Variants in GFOD1 observed in about 807,000 individuals in gnomAD.
GFOD1 encodes the protein Gfo/Idh/MocA-like oxidoreductase domain containing 1.
Under a neutral mutation model 25.4 loss-of-function variants are expected in GFOD1, and 9 were observed. That is an observed-to-expected ratio of 0.35 (90% confidence interval 0.21 to 0.62). The LOEUF is 0.62. Ranked by LOEUF, GFOD1 falls within the 20% of genes least tolerant of loss-of-function variation. The pLI is 0.72. For missense variants in GFOD1, 403 were observed against 556.9 expected (o/e 0.72, Z 2.78); for synonymous variants, 253 against 245.6 (o/e 1.03, Z -0.28).
intron 1 of GFOD1, among the ~76,000 whole-genome samples, chr6:13,437,960 A>C (rs1290715782): frequency 6.6e-6 from 1 of 152,250 alleles, no homozygotes. Context: ...AGAAAAATAA[A>C]ATAAAATATG....
chr6:13,383,442 A>T (rs1785404365), intron 1 of GFOD1, among the ~76,000 whole-genome samples: 1 of 152,232 alleles, frequency 6.6e-6, no homozygotes, highest in South Asian at 2.1e-4. Context: ...GAGTTACACA[A>T]GATTCCTTTC....
At chr6:13,404,458 T>C (rs1785908922) in intron 1 of GFOD1, among the ~76,000 whole-genome samples, 1 of 152,234 alleles carries the variant, frequency 6.6e-6, no homozygotes, top group Non-Finnish European at 1.5e-5. Flanking sequence ...AACTGTAGTA[T>C]GTGAAACACG....
intron 1 of GFOD1, among the ~76,000 whole-genome samples, chr6:13,470,981 T>C (rs1302728965): frequency 6.6e-6 from 1 of 152,126 alleles, no homozygotes; most frequent in African/African-American, 2.4e-5. Context: ...CAATAATAAT[T>C]AGCAAAACAG....
At chr6:13,471,577 G>A (rs967653402) in intron 1 of GFOD1, among the ~76,000 whole-genome samples, 4 of 152,164 alleles carry the variant, frequency 2.6e-5, no homozygotes, top group Non-Finnish European at 5.9e-5. Flanking sequence ...TAATAATAGA[G>A]TCCTTACTAA....
At chr6:13,383,939 A>G (rs1396755916) in intron 1 of GFOD1, among the ~76,000 whole-genome samples, 1 of 152,184 alleles carries the variant, frequency 6.6e-6, no homozygotes, top group Non-Finnish European at 1.5e-5. Flanking sequence ...CAAAATAAAC[A>G]TATTGGTACT....
chr6:13,486,961 A>T lies in GFOD1; in HGVS notation c.-71T>A. ...CCAACGCGCGCACACACCCACCTCT[A>T]GCCAGTCCTGCACCCCGCTCCTGTA... On this transcript the variant is annotated 5_prime_UTR_variant, in exon 1 of 2. Transcript: ENST00000379287. The T allele has an allele frequency of 6.5e-7, 1 of 1,541,046 alleles. No homozygotes were observed. The highest frequency in any genetic ancestry group is 8.7e-7 in the Non-Finnish European group (1 of 1,144,084).
At chr6:13,470,210 G>T (rs147968851) in intron 1 of GFOD1, 2 of 1,594,724 alleles carry the variant, frequency 1.3e-6, no homozygotes, top group African/African-American at 1.3e-5. Flanking sequence ...CTGTAATCTT[G>T]ACTGGGTCTG....
chr6:13,460,157 G>A (rs1758267005), intron 1 of GFOD1, among the ~76,000 whole-genome samples: 1 of 152,046 alleles, frequency 6.6e-6, no homozygotes. Context: ...AAAAAGTCAA[G>A]AAATAACAGA....
At chr6:13,486,311 C>T (rs1324607827) in intron 1 of GFOD1, 1 of 336,336 alleles carries the variant, frequency 3.0e-6, no homozygotes, top group African/African-American at 2.3e-5. Context: ...CTTTCCTCTT[C>T]TCGCGGAGCA....
At chr6:13,447,797 T>TTAGGGAA (rs1407518054) in intron 1 of GFOD1, among the ~76,000 whole-genome samples, 1 of 122,270 alleles carries the variant, frequency 8.2e-6, no homozygotes, top group African/African-American at 3.0e-5. Flanking sequence ...AGCAAAGTCA[T>TTAGGGAA]TAGGGAAAAG....
chr6:13,390,330 C>CCTGTAAT (rs1218627891), intron 1 of GFOD1, among the ~76,000 whole-genome samples: 1 of 152,110 alleles, frequency 6.6e-6, no homozygotes, highest in African/African-American at 2.4e-5. Context: ...GTGGCTCAGG[C>CCTGTAAT]CTGTAATCCC....
chr6:13,417,730 G>A (rs541249208), intron 1 of GFOD1, among the ~76,000 whole-genome samples: 11 of 152,314 alleles, frequency 7.2e-5, no homozygotes, highest in South Asian at 4.1e-4. Context: ...ATGGCTTCTC[G>A]TAAGTGCAGC....
intron 1 of GFOD1, among the ~76,000 whole-genome samples, chr6:13,427,082 T>C (rs1422850669): frequency 3.9e-5 from 6 of 152,188 alleles, no homozygotes; most frequent in African/African-American, 1.4e-4. Context: ...TTGTGTGTGA[T>C]TGGACCTCAC....
chr6:13,421,631 C>T (rs780499088), intron 1 of GFOD1, among the ~76,000 whole-genome samples: 1 of 152,174 alleles, frequency 6.6e-6, no homozygotes, highest in Admixed American at 6.5e-5. Context: ...TGCCGCCCAC[C>T]AGATACTCTC....
intron 1 of GFOD1, among the ~76,000 whole-genome samples, chr6:13,458,757 CAAAAAAAAAAAAAAAAA>C (rs5874418): frequency 1.7e-5 from 1 of 57,184 alleles, no homozygotes; most frequent in African/African-American, 4.1e-5. Context: ...TCCCCTTGAG[CAAAAAAAAAAAAAAAAA>C]AAAAAAAAAA....
chr6:13,376,340 C>CA (rs139439466), intron 1 of GFOD1, among the ~76,000 whole-genome samples: 3,946 of 152,050 alleles, frequency 0.026, 139 homozygotes, highest in African/African-American at 0.083. Context: ...TATATTGGTC[C>CA]AAAATAGCCA....
intron 1 of GFOD1, among the ~76,000 whole-genome samples, chr6:13,431,577 T>TAC (rs1757750875): frequency 6.6e-6 from 1 of 152,214 alleles, no homozygotes. Context: ...CCCTTTTAGC[T>TAC]ACAGAGCTTG....
rs1758181732 is a variant in GFOD1, at chr6:13,455,987, C to G, written c.253+30651G>C. Among the ~76,000 whole-genome samples the G allele has an allele frequency of 2.0e-5, 3 of 152,128 alleles. No individual in the cohort carries two copies. In the South Asian group the frequency reaches 6.2e-4, roughly 31 times the overall value. Reference sequence around the variant, plus strand: ...GACAAGATTGCGGGGCATGATTTTGCTACAGCAGGCCTGACAGGCTGGGGG... The same window carrying G: ...GACAAGATTGCGGGGCATGATTTTGGTACAGCAGGCCTGACAGGCTGGGGG... On this transcript the variant is annotated intron_variant, in intron 1 of 1. Transcript: ENST00000379287.
At chr6:13,377,892 G>T (rs569248003) in intron 1 of GFOD1, among the ~76,000 whole-genome samples, 3 of 152,136 alleles carry the variant, frequency 2.0e-5, no homozygotes, top group Admixed American at 2.0e-4. Flanking sequence ...GAAAGACTCA[G>T]TGAGGTGCTC....
Sources: allele counts gnomAD v4.1 joint callset (sites outside exome capture counted in the v4.1 genomes callset), GRCh38; gene constraint gnomAD v4.1.1; transcripts MANE v1.5; gene names NCBI Gene and HGNC (gene_info 2026-07-23, HGNC 2026-07-21).